The following RBFOX1 variants were observed in gnomAD, a reference collection of about 807,000 sequenced individuals.
RBFOX1 encodes the protein RNA binding fox-1 homolog 1.
Under a neutral mutation model 57.7 loss-of-function variants are expected in RBFOX1, and 8 were observed. The observed-to-expected ratio is 0.14, with a 90% confidence interval of 0.08 to 0.25. The LOEUF (loss-of-function observed/expected upper bound fraction) is 0.25, where lower values mean the gene tolerates loss of function less well. Ranked by LOEUF, RBFOX1 falls within the 10% of genes least tolerant of loss-of-function variation. The pLI is 1.00. For missense variants in RBFOX1, 611 were observed against 548.5 expected (o/e 1.11, Z -1.14); for synonymous variants, 326 against 222.4 (o/e 1.47, Z -4.15).
intron 3 of RBFOX1, among the ~76,000 whole-genome samples, chr16:5,644,475 C>T (rs1452221920): frequency 6.6e-6 from 1 of 152,106 alleles, no homozygotes; most frequent in African/African-American, 2.4e-5. Flanking sequence ...GGACTGTACA[C>T]CATGGAGGTA....
intron 2 of RBFOX1, among the ~76,000 whole-genome samples, chr16:6,562,924 C>T (rs1258095226): frequency 1.9e-5 from 2 of 105,340 alleles, no homozygotes; most frequent in African/African-American, 3.4e-5. Context: ...TTTCCTTGGG[C>T]AGAGAGCCAT....
intron 10 of RBFOX1, among the ~76,000 whole-genome samples, chr16:7,625,563 A>G (rs977016510): frequency 2.0e-5 from 3 of 152,214 alleles, no homozygotes; most frequent in Non-Finnish European, 2.9e-5. Flanking sequence ...TGTGTCTTCA[A>G]GAGCATCCTC....
At position 7,078,809 on chromosome 16, in the gene RBFOX1, A is replaced by AG. The variant is rs2058704604; in HGVS notation, c.27+26712dup. Among the ~76,000 whole-genome samples, 3 of 140,104 alleles carry AG rather than the reference A, an allele frequency of 2.1e-5. No homozygotes were observed. In the South Asian group the frequency reaches 7.4e-4, roughly 35 times the overall value. 91.9% of individuals were successfully genotyped at this position (140,104 alleles called of 152,430 possible). ...GCGATTCTCCTGCCTCATCCTCCCG[A>AG]GTAGCTGGGATTAGAGTAATGTGCC... On this transcript the variant is annotated intron_variant, in intron 4 of 15. Coordinates refer to ENST00000550418, the MANE Select transcript of RBFOX1 (RefSeq NM_018723.4).
At chr16:7,488,428 GCTATCATTCTTTCGTTGTTTGT>G (rs923901242) in intron 4 of RBFOX1, among the ~76,000 whole-genome samples, 1 of 28,658 alleles carries the variant, frequency 3.5e-5, no homozygotes, top group Admixed American at 7.2e-4. Flanking sequence ...CTGTCTATCT[GCTATCATTCTTTCGTTGTTTGT>G]CTATCATTCT....
chr16:6,226,666 C>T (rs2097420832), intron 1 of RBFOX1, among the ~76,000 whole-genome samples: 1 of 152,110 alleles, frequency 6.6e-6, no homozygotes, highest in South Asian at 2.1e-4. Flanking sequence ...TCTCCCCAAA[C>T]CTCTTAAGGG....
chr16:5,613,440 A>G (rs1366572927), intron 3 of RBFOX1, among the ~76,000 whole-genome samples: 1 of 152,146 alleles, frequency 6.6e-6, no homozygotes, highest in Non-Finnish European at 1.5e-5. Flanking sequence ...TTGCTTTCAT[A>G]TCTGCTGATG....
chr16:5,418,080 TCAACAACAA>T (rs58380992), intron 1 of RBFOX1, among the ~76,000 whole-genome samples: 2 of 150,876 alleles, frequency 1.3e-5, no homozygotes, highest in African/African-American at 4.9e-5. Flanking sequence ...AAACTCCATC[TCAACAACAA>T]CAACAACAAC....
At chr16:6,150,632 C>T (rs1373166427) in intron 1 of RBFOX1, among the ~76,000 whole-genome samples, 2 of 152,142 alleles carry the variant, frequency 1.3e-5, no homozygotes, top group African/African-American at 4.8e-5. Flanking sequence ...TTATTTCACC[C>T]ACAGCATGAC....
intron 3 of RBFOX1, among the ~76,000 whole-genome samples, chr16:6,692,241 G>C (rs188257802): frequency 6.6e-6 from 1 of 152,242 alleles, no homozygotes; most frequent in East Asian, 1.9e-4. Flanking sequence ...TGACCTCCCT[G>C]TAAGATCACC....
intron 3 of RBFOX1, among the ~76,000 whole-genome samples, chr16:6,759,317 A>AT (rs1182443611): frequency 6.6e-6 from 1 of 151,956 alleles, no homozygotes; most frequent in Non-Finnish European, 1.5e-5. Context: ...CAGCTGGCTA[A>AT]TTTTTGTATT....
intron 2 of RBFOX1, among the ~76,000 whole-genome samples, chr16:6,318,022 A>C (rs2081316896): frequency 2.0e-5 from 3 of 152,198 alleles, no homozygotes; most frequent in Admixed American, 1.3e-4. Flanking sequence ...ATGGGACTCC[A>C]GGCCTGCAAG....
chr16:7,613,216 T>C (rs1458118893), intron 10 of RBFOX1, among the ~76,000 whole-genome samples: 1 of 152,164 alleles, frequency 6.6e-6, no homozygotes, highest in Non-Finnish European at 1.5e-5. Context: ...AAAGAGATTC[T>C]GAATGGATAC....
intron 3 of RBFOX1, among the ~76,000 whole-genome samples, chr16:6,724,910 T>C (rs1016598093): frequency 6.6e-6 from 1 of 152,114 alleles, no homozygotes; most frequent in Non-Finnish European, 1.5e-5. Flanking sequence ...TTCCTGACCT[T>C]GCTGTAGCAT....
chr16:6,623,841 T>C (rs1230371291), intron 2 of RBFOX1, among the ~76,000 whole-genome samples: 1 of 152,164 alleles, frequency 6.6e-6, no homozygotes, highest in Non-Finnish European at 1.5e-5. Flanking sequence ...ATCCAGTCTA[T>C]CATTGTTGGA....
chr16:6,026,428 A>G (rs1206158349), intron 1 of RBFOX1, among the ~76,000 whole-genome samples: 1 of 152,232 alleles, frequency 6.6e-6, no homozygotes. Context: ...CAAGGACACA[A>G]CAGCAGGTAA....
intron 2 of RBFOX1, among the ~76,000 whole-genome samples, chr16:6,429,863 C>T (rs539603025): frequency 6.6e-6 from 1 of 152,266 alleles, no homozygotes; most frequent in South Asian, 2.1e-4. Flanking sequence ...AATCCCAGCA[C>T]TTTGGGAGGC....
intron 1 of RBFOX1, among the ~76,000 whole-genome samples, chr16:6,298,923 G>T (rs1179172979): frequency 6.6e-6 from 1 of 152,152 alleles, no homozygotes; most frequent in Non-Finnish European, 1.5e-5. Context: ...GAGAGGTTAA[G>T]AACCCAGAGG....
intron 4 of RBFOX1, among the ~76,000 whole-genome samples, chr16:7,416,128 A>G (rs2098475556): frequency 6.6e-6 from 1 of 152,142 alleles, no homozygotes; most frequent in South Asian, 2.1e-4. Flanking sequence ...TTTGTATTCC[A>G]TGGAGCTGTA....
Position 7,712,536 on chromosome 16 carries a change from AT to A in RBFOX1, c.*1792del, listed in dbSNP as rs2084154430. The A allele has an allele frequency of 6.6e-6, 1 of 152,526 alleles. No homozygotes were observed. Among genetic ancestry groups the A allele is most frequent in the Non-Finnish European group, 1.5e-5 (1 of 68,032 alleles). The allele number at this position is 152,526 out of a possible 1,614,324, so 9.4% of individuals were successfully genotyped here. On this transcript the variant is annotated 3_prime_UTR_variant, in exon 16 of 16. Coordinates refer to ENST00000550418, the MANE Select transcript of RBFOX1 (RefSeq NM_018723.4). Reference sequence around the variant, plus strand: ...GTAGCTTCGATACCTAAGACAGACGATAGTGATCTTGAAAAGAGAAAAGGGG... The same window carrying A: ...GTAGCTTCGATACCTAAGACAGACGAAGTGATCTTGAAAAGAGAAAAGGGG...
Sources: gnomAD v4.1 joint callset for allele counts (sites outside exome capture counted in the v4.1 genomes callset) on GRCh38, gnomAD v4.1.1 for gene constraint, MANE v1.5 for transcripts, NCBI Gene and HGNC (gene_info 2026-07-23, HGNC 2026-07-21) for gene names.